VPS13B: variants seen among roughly 807,000 people sequenced by gnomAD.
VPS13B encodes intermembrane lipid transfer protein VPS13B.
A neutral mutation model predicts 426.4 loss-of-function variants in VPS13B; 285 were observed. The ratio of observed to expected loss-of-function variants is 0.67; its 90% CI spans 0.61 to 0.74. The LOEUF (loss-of-function observed/expected upper bound fraction) is 0.74. Ranked by LOEUF, VPS13B falls within the 30% of genes least tolerant of loss-of-function variation. VPS13B has a pLI of 0.00. For missense variants in VPS13B, 4,537 were observed against 4,782.6 expected, an observed-to-expected ratio of 0.95 and a Z score of 1.51; for synonymous variants, 1,676 against 1,676.4, an observed-to-expected ratio of 1.00 and a Z score of 0.01.
intron 33 of VPS13B, among the ~76,000 whole-genome samples, chr8:99,586,903 G>C (rs1341570201): frequency 6.6e-6 from 1 of 152,090 alleles, no homozygotes; most frequent in Non-Finnish European, 1.5e-5. Context: ...ATGTATACAT[G>C]TGCCGTGTTG....
At position 99,832,371 on chromosome 8, in the gene VPS13B, T is replaced by C. The variant is rs1563497733; in HGVS notation, c.9333T>C (p.Tyr3111=). The change falls in exon 52 of 62, where the codon TAT becomes TAC. Residue 3111 remains tyrosine, a splice_region_variant and synonymous_variant. Coordinates refer to ENST00000357162, the MANE Select transcript of VPS13B (RefSeq NM_152564.5). ...SVCNPHSGKE[Y]FRVPDSATFS... ...TTTTTTTTTTTTTTTTTTTTTAGTATTTTCGTGTTCCAGACAGTGCTACTT... is the reference window on the plus strand; with the variant it reads ...TTTTTTTTTTTTTTTTTTTTTAGTACTTTCGTGTTCCAGACAGTGCTACTT... 2.6e-6 allele frequency: 4 copies of C among 1,514,748 alleles called. No individual in the cohort carries two copies. Among genetic ancestry groups the C allele is most frequent in the Non-Finnish European group, 3.5e-6 (4 of 1,137,798 alleles). The allele number at this position is 1,514,748 out of a possible 1,614,324, so 93.8% of individuals were successfully genotyped here.
chr8:99,313,378 C>T (rs1314167161), intron 19 of VPS13B, among the ~76,000 whole-genome samples: 10 of 152,112 alleles, frequency 6.6e-5, no homozygotes, highest in Non-Finnish European at 1.5e-4. Flanking sequence ...GTTAGTTTTC[C>T]TGCTAACAGT....
intron 17 of VPS13B, among the ~76,000 whole-genome samples, chr8:99,238,419 A>G (rs1460522631): frequency 6.6e-6 from 1 of 152,158 alleles, no homozygotes; most frequent in Non-Finnish European, 1.5e-5. Context: ...TTAGGGGAAA[A>G]CTAATGGCCA....
chr8:99,142,908 C>A, intron 12 of VPS13B, 66 bp from the exon 13 acceptor site: 1 of 1,500,340 alleles, frequency 6.7e-7, no homozygotes, highest in Non-Finnish European at 9.0e-7. Context: ...GAGAGAAGAG[C>A]GATTTTAAAA....
chr8:99,310,262 G>A (rs963612471), intron 19 of VPS13B, among the ~76,000 whole-genome samples: 8 of 152,096 alleles, frequency 5.3e-5, no homozygotes, highest in Admixed American at 5.2e-4. Context: ...TCTTGTGCCG[G>A]TTTTCAAAGG....
intron 40 of VPS13B, among the ~76,000 whole-genome samples, chr8:99,769,085 G>C (rs941953520): frequency 1.3e-5 from 2 of 152,108 alleles, no homozygotes; most frequent in African/African-American, 4.8e-5. Context: ...GGAGCCTTTA[G>C]GAAACAGAAA....
chr8:99,269,143 A>C (rs1370956642), intron 17 of VPS13B, among the ~76,000 whole-genome samples: 1 of 152,172 alleles, frequency 6.6e-6, no homozygotes, highest in Non-Finnish European at 1.5e-5. Context: ...TAAATTACCC[A>C]GTCTCGAGTA....
At chr8:99,677,422 G>T (rs1042606795) in intron 35 of VPS13B, among the ~76,000 whole-genome samples, 3 of 152,080 alleles carry the variant, frequency 2.0e-5, no homozygotes, top group African/African-American at 4.8e-5. Context: ...ATCATAGTTT[G>T]TTTTCTCTGT....
At position 99,360,160 on chromosome 8, in the gene VPS13B, T is replaced by C. The variant is rs1388839747; in HGVS notation, c.2825-24048T>C. 1.5e-3 allele frequency among the ~76,000 whole-genome samples: 55 copies of C among 37,354 alleles called. 2 individuals are homozygous for C. The highest frequency in any genetic ancestry group is 6.8e-3 in the African/African-American group (51 of 7,500). The allele number at this position is 37,354 out of a possible 152,430, so 24.5% of individuals were successfully genotyped here. On this transcript the variant is annotated intron_variant, in intron 19 of 61. Transcript: ENST00000357162. ...TTTCTTTCTTTCTTTCTTTCTTTCTTTCTTTCTTTCTTTCTTTCTTTCTTT... is the reference window on the plus strand; with the variant it reads ...TTTCTTTCTTTCTTTCTTTCTTTCTCTCTTTCTTTCTTTCTTTCTTTCTTT...
chr8:99,376,777 A>G (rs1813511516), intron 19 of VPS13B, among the ~76,000 whole-genome samples: 4 of 152,052 alleles, frequency 2.6e-5, no homozygotes, highest in African/African-American at 4.8e-5. Context: ...ATACATTTAA[A>G]TTTATATGCC....
At chr8:99,041,922 T>C (rs951066284) in intron 3 of VPS13B, among the ~76,000 whole-genome samples, 2 of 151,730 alleles carry the variant, frequency 1.3e-5, no homozygotes, top group Non-Finnish European at 1.5e-5. Context: ...CCTATTCTGG[T>C]TTTTGTACCA....
intron 19 of VPS13B, among the ~76,000 whole-genome samples, chr8:99,342,090 T>C (rs946564987): frequency 6.6e-6 from 1 of 152,258 alleles, no homozygotes; most frequent in African/African-American, 2.4e-5. Flanking sequence ...TTGTATACTC[T>C]TTATTATTTA....
intron 36 of VPS13B, among the ~76,000 whole-genome samples, chr8:99,702,438 T>C (rs184007381): frequency 6.6e-6 from 1 of 152,242 alleles, no homozygotes; most frequent in East Asian, 1.9e-4. Context: ...AGATGTACTA[T>C]TAAACGAAAG....
chr8:99,623,686 A>T (rs957564114), intron 33 of VPS13B, among the ~76,000 whole-genome samples: 4 of 152,148 alleles, frequency 2.6e-5, no homozygotes, highest in Non-Finnish European at 5.9e-5. Flanking sequence ...CTACAGATAG[A>T]AGTGGTAGAA....
chr8:99,664,314 C>CT (rs61246819), intron 35 of VPS13B, among the ~76,000 whole-genome samples: 113 of 143,600 alleles, frequency 7.9e-4, no homozygotes, highest in Non-Finnish European at 8.0e-4. Context: ...CAGAAATGTA[C>CT]TTTTTTTTTT....
chr8:99,562,155 A>G (rs1489203308), intron 31 of VPS13B, among the ~76,000 whole-genome samples: 1 of 152,144 alleles, frequency 6.6e-6, no homozygotes, highest in Non-Finnish European at 1.5e-5. Context: ...GTGAGGTGGT[A>G]CATCATTGTG....
At chr8:99,187,158 T>C (rs893539018) in intron 16 of VPS13B, among the ~76,000 whole-genome samples, 3 of 152,218 alleles carry the variant, frequency 2.0e-5, no homozygotes, top group Non-Finnish European at 2.9e-5. Flanking sequence ...ATAGGAGATA[T>C]TCCAAATATC....
intron 35 of VPS13B, 124 bp downstream of exon 35, chr8:99,661,615 G>C (rs770501620): frequency 6.5e-6 from 8 of 1,223,840 alleles, no homozygotes; most frequent in African/African-American, 4.5e-5. Flanking sequence ...TTTTCCCAGA[G>C]GTGTATGCTT....
At chr8:99,227,457 G>A (rs1252397318) in intron 17 of VPS13B, among the ~76,000 whole-genome samples, 1 of 152,026 alleles carries the variant, frequency 6.6e-6, no homozygotes, top group African/African-American at 2.4e-5. Flanking sequence ...TTATAGTTTA[G>A]GGAATGGCTT....
Sources: gnomAD v4.1 joint callset for allele counts (sites outside exome capture counted in the v4.1 genomes callset) on GRCh38, gnomAD v4.1.1 for gene constraint, MANE v1.5 for transcripts, NCBI Gene and HGNC (gene_info 2026-07-23, HGNC 2026-07-21) for gene names.